The following VRK2 variants were observed in gnomAD, a reference collection of about 807,000 sequenced individuals.
The protein encoded by VRK2 is VRK serine/threonine kinase 2.
A neutral mutation model predicts 57.6 loss-of-function variants in VRK2; 60 were observed. The observed-to-expected ratio is 1.04, with a 90% CI of 0.85 to 1.29. The LOEUF is 1.29. Ranked by LOEUF, VRK2 falls within the 50% of genes most tolerant of loss-of-function variation. VRK2 has a pLI of 0.00. For missense variants in VRK2, 705 were observed against 588.1 expected (o/e 1.20, Z -2.06); for synonymous variants, 231 against 199.2 (o/e 1.16, Z -1.35).
At chr2:58,152,663 G>A (rs1001190461) in intron 12 of VRK2, among the ~76,000 whole-genome samples, 2 of 151,584 alleles carry the variant, frequency 1.3e-5, no homozygotes, top group South Asian at 4.2e-4. Context: ...GTCACCTCTT[G>A]TCTGTCTGAA....
At chr2:58,086,512 A>G in intron 5 of VRK2, 86 bp downstream of exon 5, 2 of 1,179,498 alleles carry the variant, frequency 1.7e-6, no homozygotes, top group Non-Finnish European at 2.4e-6. Flanking sequence ...GTAACAAATT[A>G]CCAAAACATA....
chr2:57,974,505 C>T (rs1672188819), intron 1 of VRK2, among the ~76,000 whole-genome samples: 1 of 151,332 alleles, frequency 6.6e-6, no homozygotes, highest in South Asian at 2.1e-4. Flanking sequence ...GTGCAAAGAA[C>T]AAAAAACTAA....
At chr2:58,156,275 T>C (rs899914022) in intron 12 of VRK2, among the ~76,000 whole-genome samples, 3 of 152,186 alleles carry the variant, frequency 2.0e-5, no homozygotes, top group African/African-American at 4.8e-5. Context: ...TTGGCCCATT[T>C]ATAATGTATT....
intron 2 of VRK2, among the ~76,000 whole-genome samples, chr2:58,056,600 C>G: frequency 1.2e-5 from 1 of 84,140 alleles, no homozygotes; most frequent in Non-Finnish European, 2.3e-5. Flanking sequence ...TGAAGAGTAA[C>G]TAGTGTGGCT....
chr2:58,085,703 T>C (rs1671514424), intron 4 of VRK2, among the ~76,000 whole-genome samples: 1 of 151,964 alleles, frequency 6.6e-6, no homozygotes, highest in African/African-American at 2.4e-5. Context: ...TAATCTTTAC[T>C]AATTGCTTAA....
At chr2:58,054,626 T>C (rs1191204773) in intron 2 of VRK2, among the ~76,000 whole-genome samples, 1 of 152,162 alleles carries the variant, frequency 6.6e-6, no homozygotes, top group Non-Finnish European at 1.5e-5. Context: ...GGAATATCTA[T>C]ATCAGATAAA....
intron 12 of VRK2, among the ~76,000 whole-genome samples, chr2:58,148,495 ATAT>A (rs1349485260): frequency 6.6e-6 from 1 of 151,590 alleles, no homozygotes; most frequent in African/African-American, 2.4e-5. Context: ...GAAGCTTTTT[ATAT>A]TATTTGTTTT....
chr2:57,964,585 C>T (rs537758577), intron 1 of VRK2, among the ~76,000 whole-genome samples: 7 of 152,184 alleles, frequency 4.6e-5, no homozygotes, highest in Middle Eastern at 3.4e-3. Flanking sequence ...TGTTCATACT[C>T]GTTAACTGTC....
chr2:58,139,930 C>G lies in VRK2; in HGVS notation c.1023+98C>G, dbSNP rs552575183. On this transcript the variant is annotated intron_variant, in intron 11 of 12. Coordinates refer to ENST00000340157, the MANE Select transcript of VRK2 (RefSeq NM_006296.7). Reference sequence around the variant, plus strand: ...GTCTCAAAATGAGTCTGACAGCTTTCTTCTTCCTTATATTTAACTCCCATT... The same window carrying G: ...GTCTCAAAATGAGTCTGACAGCTTTGTTCTTCCTTATATTTAACTCCCATT... 1.2e-5 allele frequency: 15 copies of G among 1,294,630 alleles called. No individual in the cohort carries two copies. In the South Asian group the frequency reaches 2.4e-4, roughly 20 times the overall value. The allele number at this position is 1,294,630 out of a possible 1,614,324, so 80.2% of individuals were successfully genotyped here.
intron 2 of VRK2, among the ~76,000 whole-genome samples, chr2:58,069,994 C>G (rs1669162598): frequency 6.6e-6 from 1 of 152,064 alleles, no homozygotes; most frequent in South Asian, 2.1e-4. Context: ...AATCAGGAGA[C>G]TCTTAGAGCA....
intron 1 of VRK2, among the ~76,000 whole-genome samples, chr2:57,987,010 A>G (rs1672616291): frequency 6.6e-6 from 1 of 152,216 alleles, no homozygotes; most frequent in African/African-American, 2.4e-5. Flanking sequence ...CATGCAAAAA[A>G]ATATAAACTT....
At chr2:58,012,173 A>C (rs1158862595) in intron 1 of VRK2, among the ~76,000 whole-genome samples, 1 of 152,244 alleles carries the variant, frequency 6.6e-6, no homozygotes, top group Non-Finnish European at 1.5e-5. Context: ...AAGGGGAGGC[A>C]TGAATAATCC....
intron 2 of VRK2, among the ~76,000 whole-genome samples, chr2:58,074,557 G>C (rs547752883): frequency 3.7e-4 from 56 of 151,912 alleles, no homozygotes; most frequent in Admixed American, 1.6e-3. Flanking sequence ...AATTAGTGCA[G>C]GTACCTTATA....
At chr2:58,133,655 G>A (rs1013841668) in intron 9 of VRK2, among the ~76,000 whole-genome samples, 1 of 152,124 alleles carries the variant, frequency 6.6e-6, no homozygotes, top group African/African-American at 2.4e-5. Flanking sequence ...AATAATTTTA[G>A]TTGAATGTTT....
At chr2:57,962,967 C>T (rs1256497830) in intron 1 of VRK2, among the ~76,000 whole-genome samples, 4 of 152,140 alleles carry the variant, frequency 2.6e-5, no homozygotes, top group African/African-American at 7.2e-5. Context: ...GGACAAAAAG[C>T]GTGGCACCAA....
intron 7 of VRK2, among the ~76,000 whole-genome samples, chr2:58,110,137 A>G (rs1008386957): frequency 6.6e-6 from 1 of 152,198 alleles, no homozygotes; most frequent in Non-Finnish European, 1.5e-5. Flanking sequence ...ACTGCTTAGT[A>G]TATGAAACTT....
chr2:57,936,268 A>G (rs903062450), intron 1 of VRK2, among the ~76,000 whole-genome samples: 2 of 152,190 alleles, frequency 1.3e-5, no homozygotes, highest in Admixed American at 1.3e-4. Flanking sequence ...TTTCAACCAG[A>G]CCAGTCATTT....
intron 8 of VRK2, among the ~76,000 whole-genome samples, chr2:58,125,356 A>T (rs2104504914): frequency 6.6e-6 from 1 of 152,228 alleles, no homozygotes; most frequent in African/African-American, 2.4e-5. Flanking sequence ...TCTTCTTGAA[A>T]GATTTGAACA....
intron 1 of VRK2, among the ~76,000 whole-genome samples, chr2:58,020,055 G>T (rs1212324680): frequency 6.6e-6 from 1 of 152,102 alleles, no homozygotes; most frequent in Non-Finnish European, 1.5e-5. Context: ...TATTACTTAG[G>T]GACATTGCTT....
Sources: allele counts gnomAD v4.1 joint callset (sites outside exome capture counted in the v4.1 genomes callset), GRCh38; gene constraint gnomAD v4.1.1; transcripts MANE v1.5; gene names NCBI Gene and HGNC (gene_info 2026-07-23, HGNC 2026-07-21).